Variants in CPLX2 observed in about 807,000 individuals in gnomAD.
CPLX2 encodes complexin 2.
In CPLX2, 5 loss-of-function variants were observed where a neutral mutation model predicts 16.3. That is an observed-to-expected ratio of 0.31 (90% CI 0.16 to 0.64). The LOEUF (loss-of-function observed/expected upper bound fraction) is 0.64. Ranked by LOEUF, CPLX2 falls within the 30% of genes least tolerant of loss-of-function variation. CPLX2 has a pLI of 0.79. For synonymous variants in CPLX2, 89 were observed against 73.2 expected (o/e 1.22, Z -1.10); for missense variants, 144 against 181.4 (o/e 0.79, Z 1.18).
chr5:175,808,714 A>G (rs1758258459), intron 1 of CPLX2, among the ~76,000 whole-genome samples: 1 of 152,220 alleles, frequency 6.6e-6, no homozygotes, highest in Admixed American at 6.5e-5. Flanking sequence ...CAATTGTACT[A>G]CCACCAAAGT....
At chr5:175,829,385 G>A (rs1758686359) in intron 2 of CPLX2, among the ~76,000 whole-genome samples, 1 of 152,108 alleles carries the variant, frequency 6.6e-6, no homozygotes, top group Non-Finnish European at 1.5e-5. Flanking sequence ...CTCACCTCGG[G>A]AAGAAGGCCC....
intron 2 of CPLX2, among the ~76,000 whole-genome samples, chr5:175,810,201 A>G (rs1758285772): frequency 6.6e-6 from 1 of 152,242 alleles, no homozygotes; most frequent in South Asian, 2.1e-4. Flanking sequence ...TCCTCCATCC[A>G]GAGCCTTGCA....
Position 175,878,657 on chromosome 5 carries a change from C to CA in CPLX2, c.-82dup. The CA allele has an allele frequency of 6.6e-7, 1 of 1,524,942 alleles. No individual in the cohort carries two copies. 94.5% of individuals were successfully genotyped at this position (1,524,942 alleles called of 1,614,324 possible). On this transcript the variant is annotated 5_prime_UTR_variant, in exon 2 of 4. Transcript: ENST00000393745. ...CTCCCAATTCTCTTCTGCAGGTTGT[C>CA]ACATCTTCCCAAGCCAGGCCAGCCA...
At chr5:175,803,392 C>T (rs1445900408) in intron 1 of CPLX2, among the ~76,000 whole-genome samples, 1 of 152,100 alleles carries the variant, frequency 6.6e-6, no homozygotes, top group African/African-American at 2.4e-5. Flanking sequence ...CATATAAATA[C>T]TAGGAAGAAA....
chr5:175,870,210 G>A (rs1256251067), upstream of CPLX2, among the ~76,000 whole-genome samples: 2 of 152,176 alleles, frequency 1.3e-5, no homozygotes, highest in Non-Finnish European at 2.9e-5. Flanking sequence ...CCTAAAGGAG[G>A]GGCCTTCCTT....
rs1759356853 is a variant in CPLX2, at chr5:175,860,654, T to G, written c.-88-17998T>G. ...AGGAAGGAAGGAAGGGTCTCTTTCC[T>G]GTTGGTTCCAGCTAAAGTCCCAGGG... On this transcript the variant is annotated intron_variant, in intron 2 of 4. Coordinates refer to the CPLX2 transcript ENST00000359546. Among the ~76,000 whole-genome samples, 3 of 133,370 alleles carry G rather than the reference T, an allele frequency of 2.2e-5. No individual in the cohort carries two copies. The South Asian group carries it at 7.3e-4, about 32-fold the overall frequency. 87.5% of individuals were successfully genotyped at this position (133,370 alleles called of 152,430 possible).
At chr5:175,837,272 C>G (rs12188152) in intron 2 of CPLX2, among the ~76,000 whole-genome samples, 30,688 of 152,130 alleles carry the variant, frequency 0.2, 3,184 homozygotes, top group Middle Eastern at 0.26. Flanking sequence ...CGTCTCTGCA[C>G]GGCTCCCCGC....
chr5:175,800,908 A>G (rs1758081359), intron 1 of CPLX2, among the ~76,000 whole-genome samples: 1 of 152,192 alleles, frequency 6.6e-6, no homozygotes, highest in African/African-American at 2.4e-5. Flanking sequence ...CTGAATGACA[A>G]AAGTCAGTCA....
In CPLX2 at chr5:175,879,010, A is replaced by T. The variant is rs759047856; in HGVS notation, c.134A>T (p.Glu45Val). 1 of 1,596,174 alleles carries T rather than the reference A, an allele frequency of 6.3e-7. No homozygotes were observed. The highest frequency in any genetic ancestry group is 1.1e-5 in the South Asian group (1 of 87,878). Residue 45 changes from glutamate to valine, a missense_variant, in exon 3 of 4, where the codon GAG (glutamate) becomes GTG (valine). Glu to Val is a moderately radical substitution (Grantham distance 121). Coordinates refer to ENST00000393745, the MANE Select transcript of CPLX2 (RefSeq NM_001008220.2). ...EERQEALRQQ[E>V]EERKAKHARM... The stretch of plus-strand genomic sequence containing the variant: ...CGGCAGGAGGCGCTGCGGCAGCAGG[A>T]GGAGGAGCGTAAGGCCAAGCACGCG...
In CPLX2 at chr5:175,882,139, C is replaced by T. The variant is rs1041373465; in HGVS notation, c.*2094C>T. On this transcript the variant is annotated 3_prime_UTR_variant, in exon 4 of 4. Transcript: ENST00000393745. The stretch of plus-strand genomic sequence containing the variant: ...CCCGCACCCCGCCCCCACCTTGTGC[C>T]CCTGTGTCCAGCCCCCCAGGGGGCC... 3 of 152,826 alleles carry T rather than the reference C, an allele frequency of 2.0e-5. No individual in the cohort carries two copies. Among genetic ancestry groups the T allele is most frequent in the Admixed American group, 1.3e-4 (2 of 15,308 alleles). The allele number at this position is 152,826 out of a possible 1,614,324, so 9.5% of individuals were successfully genotyped here. A position where few individuals can be genotyped will look rare whatever the true frequency, so the allele number is the denominator to read the frequency against.
intron 2 of CPLX2, among the ~76,000 whole-genome samples, chr5:175,842,075 C>T (rs1400440390): frequency 6.6e-6 from 1 of 152,192 alleles, no homozygotes. Context: ...GAGATCTAAG[C>T]AGATAATGAC....
rs573392466 is a variant in CPLX2, at chr5:175,800,995, T to A, written c.-169+4211T>A. 4.1e-3 allele frequency among the ~76,000 whole-genome samples: 626 copies of A among 151,918 alleles called. 4 individuals carry two copies. The highest frequency in any genetic ancestry group is 0.015 in the African/African-American group (603 of 41,412). On this transcript the variant is annotated intron_variant, in intron 1 of 4. Transcript: ENST00000359546. ...GGCCCTAATGTGAGCCTGGACTGCA[T>A]GGGGACAGATGGGAGGTGGAGTGAG...
intron 2 of CPLX2, among the ~76,000 whole-genome samples, chr5:175,864,265 T>G (rs1013674366): frequency 6.6e-6 from 1 of 152,180 alleles, no homozygotes; most frequent in African/African-American, 2.4e-5. Context: ...TAACTCCCTG[T>G]CTTTACGTGG....
intron 2 of CPLX2, among the ~76,000 whole-genome samples, chr5:175,860,437 A>AAGG (rs201683186): frequency 0.031 from 4,021 of 130,430 alleles, 209 homozygotes; most frequent in African/African-American, 0.12. Context: ...AGGAAGGAAG[A>AAGG]AAGAGAAAGA....
In CPLX2 at chr5:175,880,357, C is replaced by T. The variant is rs1755556356; in HGVS notation, c.*312C>T. 2.3e-6 allele frequency: 1 copy of T among 429,766 alleles called. No homozygotes were observed. The highest frequency in any genetic ancestry group is 4.4e-6 in the Non-Finnish European group (1 of 228,288). 26.6% of individuals were successfully genotyped at this position (429,766 alleles called of 1,614,324 possible). ...ACCCCCATACATTCCTCCCTGCTCCCCACTGCCAGGAGGACCACTGTCCCC... is the reference window on the plus strand; with the variant it reads ...ACCCCCATACATTCCTCCCTGCTCCTCACTGCCAGGAGGACCACTGTCCCC... On this transcript the variant is annotated 3_prime_UTR_variant, in exon 4 of 4. Transcript: ENST00000393745.
chr5:175,871,429 G>C (rs866880935), upstream of CPLX2: 26 of 91,384 alleles, frequency 2.8e-4, 1 homozygote, highest in East Asian at 2.5e-3. Context: ...GAGAGAGAGA[G>C]AGACAGAGAG....
At chr5:175,856,160 C>G (rs975217087) in intron 2 of CPLX2, among the ~76,000 whole-genome samples, 3 of 152,226 alleles carry the variant, frequency 2.0e-5, no homozygotes, top group African/African-American at 7.2e-5. Flanking sequence ...GTTTCCTAAC[C>G]TCTCTCTGCC....
intron 2 of CPLX2, among the ~76,000 whole-genome samples, chr5:175,842,172 G>C (rs1014947267): frequency 6.6e-6 from 1 of 152,228 alleles, no homozygotes; most frequent in African/African-American, 2.4e-5. Flanking sequence ...TGGCACAGCA[G>C]GCTGCCCAGA....
intron 1 of CPLX2, among the ~76,000 whole-genome samples, chr5:175,808,748 C>T (rs990075688): frequency 6.6e-6 from 1 of 152,150 alleles, no homozygotes; most frequent in African/African-American, 2.4e-5. Context: ...CAGTGCTACC[C>T]GCACCAGTGA....
Sources: allele counts gnomAD v4.1 joint callset (sites outside exome capture counted in the v4.1 genomes callset), GRCh38; gene constraint gnomAD v4.1.1; transcripts MANE v1.5; gene names NCBI Gene and HGNC (gene_info 2026-07-23, HGNC 2026-07-21).